The following RPS6KA2 variants were observed in gnomAD, a reference collection of about 807,000 sequenced individuals.
The protein encoded by RPS6KA2 is ribosomal protein S6 kinase A2.
Under a neutral mutation model 91.8 loss-of-function variants are expected in RPS6KA2, and 42 were observed. That is an observed-to-expected ratio of 0.46 (90% CI 0.36 to 0.59). The LOEUF is 0.59. RPS6KA2 is among the 20% of genes least tolerant of loss of function. The probability of loss-of-function intolerance (pLI) is 0.00; values close to 1 mark genes in which losing one functional copy is unlikely to be tolerated. For missense variants in RPS6KA2, 798 were observed against 978.5 expected (o/e 0.82, Z 2.46); for synonymous variants, 414 against 393.6 (o/e 1.05, Z -0.61).
chr6:166,814,172 T>C (rs1779706444), intron 2 of RPS6KA2, among the ~76,000 whole-genome samples: 1 of 152,238 alleles, frequency 6.6e-6, no homozygotes, highest in South Asian at 2.1e-4. Context: ...TGGATGATAG[T>C]ATGTTTCAAA....
At chr6:166,505,126 G>T (rs116568627) in intron 5 of RPS6KA2, among the ~76,000 whole-genome samples, 2,079 of 152,258 alleles carry the variant, frequency 0.014, 44 homozygotes, top group African/African-American at 0.047. Flanking sequence ...AACCCAAAGT[G>T]GGATTAGTTC....
At chr6:166,463,298 T>C (rs908956524) in intron 11 of RPS6KA2, 1 of 151,938 alleles carries the variant, frequency 6.6e-6, no homozygotes, top group African/African-American at 2.4e-5. Context: ...GTGTTGAGAG[T>C]GAAACAGCAG....
chr6:166,768,092 G>C (rs1778369803), intron 2 of RPS6KA2, among the ~76,000 whole-genome samples: 1 of 152,168 alleles, frequency 6.6e-6, no homozygotes, highest in South Asian at 2.1e-4. Context: ...ATGGATCAAT[G>C]CAGCTCTATA....
At chr6:166,682,120 G>T (rs1173109829) in intron 2 of RPS6KA2, among the ~76,000 whole-genome samples, 2 of 152,188 alleles carry the variant, frequency 1.3e-5, no homozygotes, top group African/African-American at 4.8e-5. Context: ...TTTACCCAAG[G>T]AATGTGATGT....
chr6:166,819,082 C>T lies in RPS6KA2; in HGVS notation c.123+39118G>A, dbSNP rs988120794. On this transcript the variant is annotated intron_variant, in intron 2 of 21. Transcript: ENST00000503859. Reference sequence around the variant, plus strand: ...ATTTCTGGGGTTTAGCACATGGACACGCCACTCAGAAGCCCACAACATCAT... The same window carrying T: ...ATTTCTGGGGTTTAGCACATGGACATGCCACTCAGAAGCCCACAACATCAT... Among the ~76,000 whole-genome samples the T allele has an allele frequency of 2.0e-5, 3 of 152,186 alleles. No individual in the cohort carries two copies. The East Asian group carries it at 5.8e-4, about 29-fold the overall frequency.
At chr6:166,649,820 G>T (rs1787792601) in intron 2 of RPS6KA2, among the ~76,000 whole-genome samples, 3 of 152,256 alleles carry the variant, frequency 2.0e-5, no homozygotes, top group Non-Finnish European at 4.4e-5. Context: ...AAAGCACAGA[G>T]AACCTGGCAC....
At chr6:166,436,667 C>T (rs1779321107) in intron 14 of RPS6KA2, among the ~76,000 whole-genome samples, 2 of 152,238 alleles carry the variant, frequency 1.3e-5, no homozygotes, top group Admixed American at 6.5e-5. Flanking sequence ...TAACAGTCAG[C>T]CTCCTGGCTT....
intron 1 of RPS6KA2, among the ~76,000 whole-genome samples, chr6:166,558,210 C>G (rs565698903): frequency 6.6e-6 from 1 of 151,916 alleles, no homozygotes; most frequent in Non-Finnish European, 1.5e-5. Flanking sequence ...TGACGAGTCC[C>G]AAGGTCTCCA....
Position 166,448,820 on chromosome 6 carries a change from G to T in RPS6KA2, c.1236C>A (p.Thr412=). 1 of 1,613,860 alleles carries T rather than the reference G, an allele frequency of 6.2e-7. No individual in the cohort carries two copies. The highest frequency in any genetic ancestry group is 8.5e-7 in the Non-Finnish European group (1 of 1,179,944). Residue 412 remains threonine (T), a synonymous_variant, in exon 14 of 21, where the codon ACC becomes ACA. Transcript: ENST00000265678. This position sits in a 1 kb window ranked among gnomAD's most constrained non-coding sequence, Gnocchi z 4.7. ...QQLHGNNIHF[T]DGYEIKEDIG... ...TGTCCTCCTTGATCTCGTAGCCATC[G>T]GTGAAGTGGATGTTGTTCCCGTGTA...
chr6:166,439,818 G>A (rs1205019937), intron 14 of RPS6KA2: 1 of 152,236 alleles, frequency 6.6e-6, no homozygotes, highest in African/African-American at 2.4e-5. Flanking sequence ...GGCCATGTGG[G>A]GCTGACTGTC....
chr6:166,562,985 C>G (rs1027787177), intron 1 of RPS6KA2, among the ~76,000 whole-genome samples: 2 of 152,272 alleles, frequency 1.3e-5, no homozygotes, highest in Admixed American at 6.5e-5. Flanking sequence ...AGAAGGCGGC[C>G]GAGCCAGACC....
At chr6:166,811,484 G>T (rs1779638671) in intron 2 of RPS6KA2, among the ~76,000 whole-genome samples, 1 of 152,208 alleles carries the variant, frequency 6.6e-6, no homozygotes, top group Non-Finnish European at 1.5e-5. Context: ...ATATGAGCCA[G>T]GTGTGGTTGT....
chr6:166,817,967 C>T (rs1779813003), intron 2 of RPS6KA2, among the ~76,000 whole-genome samples: 1 of 152,064 alleles, frequency 6.6e-6, no homozygotes, highest in African/African-American at 2.4e-5. Context: ...AGGCAATCCA[C>T]CCACCTCGGC....
intron 2 of RPS6KA2, among the ~76,000 whole-genome samples, chr6:166,822,383 TTTGC>T (rs956232817): frequency 1.3e-5 from 2 of 152,182 alleles, no homozygotes; most frequent in Non-Finnish European, 2.9e-5. Context: ...ACACCCTGGC[TTTGC>T]TTGCGCAGAG....
At chr6:166,465,612 A>T (rs1780489366) in intron 11 of RPS6KA2, among the ~76,000 whole-genome samples, 2 of 152,208 alleles carry the variant, frequency 1.3e-5, no homozygotes, top group Non-Finnish European at 2.9e-5. Context: ...TCATGCCTAC[A>T]CATCTTTGCT....
intron 2 of RPS6KA2, among the ~76,000 whole-genome samples, chr6:166,765,987 T>A (rs1456990617): frequency 6.6e-6 from 1 of 152,242 alleles, no homozygotes; most frequent in Non-Finnish European, 1.5e-5. Flanking sequence ...TGAAGGTCAA[T>A]ATCATAATGG....
At chr6:166,802,119 A>T (rs1038399998) in intron 2 of RPS6KA2, among the ~76,000 whole-genome samples, 6 of 151,522 alleles carry the variant, frequency 4.0e-5, no homozygotes, top group African/African-American at 1.5e-4. Flanking sequence ...CACACAAACA[A>T]ATTAGCCAGG....
At chr6:166,569,315 C>T (rs918123799) in intron 1 of RPS6KA2, among the ~76,000 whole-genome samples, 12 of 152,352 alleles carry the variant, frequency 7.9e-5, no homozygotes, top group African/African-American at 2.4e-5. Context: ...CAGGGAGGCA[C>T]CGAGGGCTGG....
At chr6:166,469,329 T>TTTG (rs1209661952) in intron 11 of RPS6KA2, among the ~76,000 whole-genome samples, 3 of 150,730 alleles carry the variant, frequency 2.0e-5, no homozygotes, top group Non-Finnish European at 4.4e-5. Flanking sequence ...CACTGTTGTT[T>TTTG]TTTTTTTTTT....
Sources: allele counts gnomAD v4.1 joint callset (sites outside exome capture counted in the v4.1 genomes callset), GRCh38; gene constraint gnomAD v4.1.1; non-coding constraint Gnocchi (gnomAD v3.1); transcripts MANE v1.5; gene names NCBI Gene and HGNC (gene_info 2026-07-23, HGNC 2026-07-21).